The following RGS12 variants were observed in gnomAD, a reference collection of about 807,000 sequenced individuals.
RGS12 encodes regulator of G protein signaling 12.
In RGS12, 66 loss-of-function variants were observed where a neutral mutation model predicts 120.1. The observed-to-expected ratio is 0.55, with a 90% confidence interval of 0.45 to 0.67. The LOEUF (loss-of-function observed/expected upper bound fraction) is 0.67, where lower values mean the gene tolerates loss of function less well. Ranked by LOEUF, RGS12 falls within the 30% of genes least tolerant of loss-of-function variation. RGS12 has a pLI of 0.00. For synonymous variants in RGS12, 827 were observed against 804.7 expected, an observed-to-expected ratio of 1.03 and a Z score of -0.47; for missense variants, 1,859 against 1,957.7, an observed-to-expected ratio of 0.95 and a Z score of 0.95.
rs569342617 is a variant in RGS12, at chr4:3,433,121, C to T, written c.4114+2166C>T. Among the ~76,000 whole-genome samples, 7 of 152,342 alleles carry T rather than the reference C, an allele frequency of 4.6e-5. No homozygotes were observed. The highest frequency in any genetic ancestry group is 1.7e-4 in the African/African-American group (7 of 41,576). On this transcript the variant is annotated intron_variant, in intron 17 of 17. Coordinates refer to ENST00000336727, the MANE Select transcript of RGS12 (RefSeq NM_001394154.1). This position sits in a 1 kb window ranked among gnomAD's most constrained non-coding sequence, Gnocchi z 4.4. ...ATGGAACCTCTTTCACATCTGTGGG[C>T]CGGGGCGAGCCTGGACTGAGTGCTG...
chr4:3,345,965 C>T (rs1036798763), intron 3 of RGS12, among the ~76,000 whole-genome samples: 8 of 151,954 alleles, frequency 5.3e-5, no homozygotes, highest in Admixed American at 1.3e-4. Flanking sequence ...TCATGTTGCC[C>T]GGGCAGATCT....
At chr4:3,432,186 C>A in intron 17 of RGS12, 3 of 984,302 alleles carry the variant, frequency 3.0e-6, no homozygotes, top group African/African-American at 3.5e-5. Context: ...GACTGGCTTA[C>A]AACTTTTCTT....
intron 4 of RGS12, among the ~76,000 whole-genome samples, chr4:3,395,358 G>A (rs1396748629): frequency 1.3e-5 from 2 of 152,154 alleles, no homozygotes; most frequent in Admixed American, 1.3e-4. Context: ...ATATGGCATC[G>A]TTCCTCCATT....
At chr4:3,421,078 G>T (rs1340272976) in intron 10 of RGS12, among the ~76,000 whole-genome samples, 1 of 152,160 alleles carries the variant, frequency 6.6e-6, no homozygotes, top group African/African-American at 2.4e-5. Flanking sequence ...GAAATCAGGC[G>T]CTCCCTGTCT....
chr4:3,307,034 T>C (rs1310810204), intron 1 of RGS12, among the ~76,000 whole-genome samples: 1 of 152,230 alleles, frequency 6.6e-6, no homozygotes, highest in East Asian at 1.9e-4. Context: ...CACATCACTC[T>C]CTTTTCTGAG....
At chr4:3,354,091 G>A (rs1185042165) in intron 3 of RGS12, among the ~76,000 whole-genome samples, 1 of 152,164 alleles carries the variant, frequency 6.6e-6, no homozygotes, top group African/African-American at 2.4e-5. Context: ...ATTGGACAAA[G>A]GATCATGACT....
intron 1 of RGS12, among the ~76,000 whole-genome samples, chr4:3,315,818 T>C (rs1724699650): frequency 6.6e-6 from 1 of 152,222 alleles, no homozygotes; most frequent in Non-Finnish European, 1.5e-5. Context: ...GAAGCAGTCC[T>C]GCATCCTCAC....
Position 3,343,020 on chromosome 4 carries a change from A to G in RGS12, c.1965A>G (p.Arg655=), listed in dbSNP as rs551604912. 6.2e-7 allele frequency: 1 copy of G among 1,612,936 alleles called. No individual in the cohort carries two copies. The highest frequency in any genetic ancestry group is 2.2e-5 in the East Asian group (1 of 44,880). ...GGAGATCATTTGGGAGATCCAAGAG[A>G]TTCAGTATCACTCGCTCCCTTGATG... ...SARRSFGRSK[R]FSITRSLDDL... is the part of the protein sequence containing the mutation. The change falls in exon 3 of 18, where the codon AGA becomes AGG. Residue 655 remains arginine, a synonymous_variant. Coordinates refer to ENST00000336727, the MANE Select transcript of RGS12 (RefSeq NM_001394154.1).
chr4:3,366,413 G>A lies in RGS12; in HGVS notation c.1999-20003G>A, dbSNP rs1014298152. The stretch of plus-strand genomic sequence containing the variant: ...GGGTTAAGAGCAGGGAGAGAATCAG[G>A]GCCTGTGCTCATATCTGTGAGCTCT... On this transcript the variant is annotated intron_variant, in intron 3 of 17. Coordinates refer to ENST00000336727, the MANE Select transcript of RGS12 (RefSeq NM_001394154.1). The surrounding 1 kb of genome is among the most constrained non-coding windows in gnomAD (Gnocchi z 4.0). 1.3e-5 allele frequency among the ~76,000 whole-genome samples: 2 copies of A among 152,068 alleles called. No homozygotes were observed. The highest frequency in any genetic ancestry group is 2.9e-5 in the Non-Finnish European group (2 of 67,998).
chr4:3,335,515 C>T (rs1316697905), intron 2 of RGS12, among the ~76,000 whole-genome samples: 3 of 152,196 alleles, frequency 2.0e-5, no homozygotes, highest in Non-Finnish European at 4.4e-5. Context: ...CTGTCAGGCT[C>T]TGTCCCCAGG....
chr4:3,417,652 C>A, intron 9 of RGS12, 111 bp downstream of exon 9: 1 of 1,193,294 alleles, frequency 8.4e-7, no homozygotes, highest in African/African-American at 1.5e-5. Context: ...CAGTGAGAGG[C>A]CCTGTTGGCG....
chr4:3,360,970 G>A (rs1715500035), intron 3 of RGS12, among the ~76,000 whole-genome samples: 1 of 152,204 alleles, frequency 6.6e-6, no homozygotes, highest in South Asian at 2.1e-4. Flanking sequence ...CCAAGAGCAT[G>A]TGCAAGAATT....
At position 3,423,996 on chromosome 4, in the gene RGS12, C is replaced by T. The variant is rs377209269; in HGVS notation, c.3234+355C>T. 3 of 188,948 alleles carry T rather than the reference C, an allele frequency of 1.6e-5. No individual in the cohort carries two copies. The East Asian group carries it at 4.0e-4, about 25-fold the overall frequency. 11.7% of individuals were successfully genotyped at this position (188,948 alleles called of 1,614,324 possible). On this transcript the variant is annotated intron_variant, in intron 13 of 17. Coordinates refer to ENST00000336727, the MANE Select transcript of RGS12 (RefSeq NM_001394154.1). ...GCGGATGGCCCTGCCCCCACTGCAC[C>T]TGCTGGGCCCGGGCATTGTGCTCAT...
Position 3,423,523 on chromosome 4 carries a change from T to TTGTTCC in RGS12, c.3117_3122dup (p.Val1040_Pro1041dup). On this transcript the variant is annotated inframe_insertion, in exon 13 of 18. Transcript: ENST00000336727. ...TTTTCATCCCCCACCAGGCTGGATC[T>TTGTTCC]TGTTCCGATTAACCGGTCAGTGGGA... is the stretch of plus-strand genomic sequence containing the variant. 6.2e-7 allele frequency: 1 copy of TTGTTCC among 1,613,164 alleles called. No individual in the cohort carries two copies. The highest frequency in any genetic ancestry group is 1.3e-5 in the African/African-American group (1 of 75,064).
chr4:3,343,595 G>A (rs756279338), intron 3 of RGS12, among the ~76,000 whole-genome samples: 3 of 152,036 alleles, frequency 2.0e-5, no homozygotes, highest in Non-Finnish European at 4.4e-5. Context: ...ACAGGCCAGT[G>A]TAGACATATG....
At chr4:3,361,139 A>G (rs1394237820) in intron 3 of RGS12, among the ~76,000 whole-genome samples, 2 of 152,182 alleles carry the variant, frequency 1.3e-5, no homozygotes, top group African/African-American at 4.8e-5. Context: ...GATAAACATC[A>G]CAGAAAGATG....
chr4:3,304,240 T>G (rs1228938321), intron 1 of RGS12, among the ~76,000 whole-genome samples: 1 of 152,228 alleles, frequency 6.6e-6, no homozygotes, highest in Non-Finnish European at 1.5e-5. Flanking sequence ...ATTTTATGTA[T>G]TGTACTTTTC....
intron 3 of RGS12, chr4:3,378,737 T>C (rs1717947757): frequency 6.6e-6 from 1 of 152,166 alleles, no homozygotes; most frequent in Admixed American, 6.5e-5. Context: ...ATGGTTGTTA[T>C]CAGAAAGGCA....
rs751315532 is a variant in RGS12 at position 3,423,614 on chromosome 4, G to A, written c.3207G>A (p.Leu1069=). The A allele has an allele frequency of 3.1e-6, 5 of 1,610,496 alleles. No homozygotes were observed. Among genetic ancestry groups the A allele is most frequent in the Admixed American group, 3.3e-5 (2 of 59,992 alleles). ...GGCCCGTGGTGGCCAGATACGGCCT[G>A]GACCTCAGTGGCCTGCTGGTGAGGC... ...VLRPVVARYG[L]DLSGLLVRLS... Residue 1069 remains leucine (L), a synonymous_variant, in exon 13 of 18, where the codon CTG becomes CTA. Coordinates refer to ENST00000336727, the MANE Select transcript of RGS12 (RefSeq NM_001394154.1).
Sources: allele counts gnomAD v4.1 joint callset (sites outside exome capture counted in the v4.1 genomes callset), GRCh38; gene constraint gnomAD v4.1.1; non-coding constraint Gnocchi (gnomAD v3.1); transcripts MANE v1.5; gene names NCBI Gene and HGNC (gene_info 2026-07-23, HGNC 2026-07-21).